NEGR1: variants seen among roughly 807,000 people sequenced by gnomAD.
NEGR1 encodes the protein IgLON family member 4.
Under a neutral mutation model 40.9 loss-of-function variants are expected in NEGR1, and 10 were observed. The ratio of observed to expected loss-of-function variants is 0.24; its 90% CI spans 0.15 to 0.42. The LOEUF (loss-of-function observed/expected upper bound fraction) is 0.42, where lower values mean the gene tolerates loss of function less well. Ranked by LOEUF, NEGR1 falls within the 10% of genes least tolerant of loss-of-function variation. NEGR1 has a pLI of 1.00. For synonymous variants in NEGR1, 185 were observed against 166.8 expected, an observed-to-expected ratio of 1.11 and a Z score of -0.84; for missense variants, 352 against 438.9, an observed-to-expected ratio of 0.80 and a Z score of 1.77.
At chr1:71,636,248 C>T (rs1357645536) in intron 4 of NEGR1, among the ~76,000 whole-genome samples, 1 of 151,916 alleles carries the variant, frequency 6.6e-6, no homozygotes, top group African/African-American at 2.4e-5. Context: ...CTAAAATATC[C>T]AAGAGATGTG....
intron 6 of NEGR1, among the ~76,000 whole-genome samples, chr1:71,556,528 C>T (rs984194075): frequency 5.9e-5 from 9 of 151,466 alleles, no homozygotes; most frequent in Non-Finnish European, 1.0e-4. Flanking sequence ...CACACATTAT[C>T]TTGGATATAC....
intron 3 of NEGR1, among the ~76,000 whole-genome samples, chr1:71,726,403 G>C (rs995767270): frequency 6.6e-6 from 1 of 152,070 alleles, no homozygotes; most frequent in African/African-American, 2.4e-5. Context: ...CGAAGTGCTA[G>C]GAACTCAGTT....
chr1:72,176,560 T>C (rs1418322208), intron 1 of NEGR1, among the ~76,000 whole-genome samples: 2 of 152,056 alleles, frequency 1.3e-5, no homozygotes, highest in Non-Finnish European at 2.9e-5. Context: ...TGTTCATGGA[T>C]GAATAAAAGT....
intron 1 of NEGR1, among the ~76,000 whole-genome samples, chr1:72,280,355 T>A (rs948551250): frequency 6.6e-6 from 1 of 152,132 alleles, no homozygotes; most frequent in Non-Finnish European, 1.5e-5. Flanking sequence ...AGAAAAGCAG[T>A]CTCCTAAACC....
intron 1 of NEGR1, among the ~76,000 whole-genome samples, chr1:72,247,250 G>A (rs1654932351): frequency 6.6e-6 from 1 of 152,128 alleles, no homozygotes; most frequent in Admixed American, 6.5e-5. Context: ...TTGCTCCAAA[G>A]CCAGTTTAAA....
At chr1:71,548,146 G>A (rs886472244) in intron 6 of NEGR1, among the ~76,000 whole-genome samples, 13 of 151,666 alleles carry the variant, frequency 8.6e-5, no homozygotes, top group East Asian at 2.0e-4. Context: ...GTAAGCCACC[G>A]CTGGAATCCT....
intron 1 of NEGR1, among the ~76,000 whole-genome samples, chr1:72,133,079 C>T (rs1650318584): frequency 6.6e-6 from 1 of 152,028 alleles, no homozygotes; most frequent in African/African-American, 2.4e-5. Flanking sequence ...ATCATTTTGT[C>T]ATAACAATAC....
chr1:72,043,518 G>C (rs1316606866), intron 1 of NEGR1, among the ~76,000 whole-genome samples: 2 of 151,610 alleles, frequency 1.3e-5, no homozygotes, highest in Non-Finnish European at 1.5e-5. Context: ...AATGACTTTA[G>C]AATGAATATC....
intron 1 of NEGR1, among the ~76,000 whole-genome samples, chr1:71,998,048 G>A (rs201150521): frequency 6.6e-6 from 1 of 151,922 alleles, no homozygotes; most frequent in East Asian, 1.9e-4. Context: ...CCCTGACTAA[G>A]AAGAAAATTC....
intron 1 of NEGR1, among the ~76,000 whole-genome samples, chr1:72,206,124 A>T (rs1653388923): frequency 6.6e-6 from 1 of 151,878 alleles, no homozygotes; most frequent in Non-Finnish European, 1.5e-5. Context: ...TAAATATTAT[A>T]TTAGAAATTT....
intron 1 of NEGR1, among the ~76,000 whole-genome samples, chr1:71,973,051 C>A (rs1375110150): frequency 2.0e-5 from 3 of 152,102 alleles, no homozygotes; most frequent in Non-Finnish European, 4.4e-5. Context: ...AGATCATTTT[C>A]TCTCAAATTA....
chr1:72,151,359 G>A (rs543554090), intron 1 of NEGR1, among the ~76,000 whole-genome samples: 6 of 151,260 alleles, frequency 4.0e-5, no homozygotes, highest in South Asian at 2.1e-4. Context: ...ACTAAGCAAC[G>A]GAGATATAAT....
chr1:71,443,941 GA>G (rs1646564517), intron 6 of NEGR1, among the ~76,000 whole-genome samples: 1 of 152,160 alleles, frequency 6.6e-6, no homozygotes, highest in African/African-American at 2.4e-5. Flanking sequence ...ACATTGTAAA[GA>G]ATTGTTGAAA....
At chr1:72,020,376 C>G (rs1022795067) in intron 1 of NEGR1, among the ~76,000 whole-genome samples, 1 of 152,040 alleles carries the variant, frequency 6.6e-6, no homozygotes, top group Non-Finnish European at 1.5e-5. Flanking sequence ...TCTTCCATAA[C>G]GTCAGGATTC....
intron 1 of NEGR1, among the ~76,000 whole-genome samples, chr1:72,081,570 T>A (rs1360684771): frequency 6.6e-6 from 1 of 152,132 alleles, no homozygotes; most frequent in East Asian, 1.9e-4. Context: ...ATGAGCATCA[T>A]GAGTGTAAGT....
At chr1:72,221,722 C>A (rs1654018605) in intron 1 of NEGR1, among the ~76,000 whole-genome samples, 2 of 151,924 alleles carry the variant, frequency 1.3e-5, no homozygotes, top group African/African-American at 4.8e-5. Flanking sequence ...TTTTTTACAC[C>A]AAGTCTTCTT....
At chr1:71,596,296 C>T (rs1649711651) in intron 5 of NEGR1, among the ~76,000 whole-genome samples, 1 of 152,234 alleles carries the variant, frequency 6.6e-6, no homozygotes, top group Non-Finnish European at 1.5e-5. Context: ...CGCTCCTCTT[C>T]TCCCTTCTGG....
chr1:71,743,515 A>G (rs139034807), intron 3 of NEGR1, among the ~76,000 whole-genome samples: 1 of 152,142 alleles, frequency 6.6e-6, no homozygotes, highest in African/African-American at 2.4e-5. Flanking sequence ...AATGCTGATT[A>G]TGTTGAATAT....
At chr1:71,741,661 A>T (rs1317763290) in intron 3 of NEGR1, among the ~76,000 whole-genome samples, 2 of 152,254 alleles carry the variant, frequency 1.3e-5, no homozygotes, top group East Asian at 1.9e-4. Context: ...CCATTCTTTC[A>T]TTGCTATAAA....
Sources: allele counts gnomAD v4.1 joint callset (sites outside exome capture counted in the v4.1 genomes callset), GRCh38; gene constraint gnomAD v4.1.1; transcripts MANE v1.5; gene names NCBI Gene and HGNC (gene_info 2026-07-23, HGNC 2026-07-21).